The following MAP3K19 variants were observed in gnomAD, a reference collection of about 807,000 sequenced individuals.
MAP3K19 encodes mitogen-activated protein kinase kinase kinase 19.
Under a neutral mutation model 114.4 loss-of-function variants are expected in MAP3K19, and 91 were observed. The ratio of observed to expected loss-of-function variants is 0.80; its 90% CI spans 0.67 to 0.95. The LOEUF is 0.95. MAP3K19 is among the 40% of genes least tolerant of loss of function. The pLI is 0.00. For missense variants in MAP3K19, 1,471 were observed against 1,573.2 expected (o/e 0.94, Z 1.10); for synonymous variants, 518 against 530.5 (o/e 0.98, Z 0.32).
At chr2:135,010,933 T>C (rs1687175649) in intron 5 of MAP3K19, among the ~76,000 whole-genome samples, 1 of 152,094 alleles carries the variant, frequency 6.6e-6, no homozygotes, top group Non-Finnish European at 1.5e-5. Flanking sequence ...ATCCAGCCTA[T>C]GATAAAATTT....
chr2:134,971,999 A>C (rs1306780880), intron 12 of MAP3K19, among the ~76,000 whole-genome samples: 2 of 151,798 alleles, frequency 1.3e-5, no homozygotes, highest in African/African-American at 4.8e-5. Flanking sequence ...TATGGGGTAC[A>C]TGAGATGTTT....
chr2:134,986,956 A>C lies in MAP3K19; in HGVS notation c.1916T>G (p.Leu639Arg), dbSNP rs1472049278. The part of the protein sequence containing the change: ...PLSVQPTEPR[L>R]NYLDLKYSDM... ...ACTATACTTAAGATCTAGGTAATTT[A>C]GTCTTGGCTCTGTCGGTTGAACAGA... Residue 639 changes from leucine (L) to arginine (R), a missense_variant, in exon 10 of 13, where the codon CTA (leucine) becomes CGA (arginine). By Grantham distance (102) the Leu-to-Arg change is moderately radical. Transcript: ENST00000392915. The C allele has an allele frequency of 6.2e-7, 1 of 1,613,792 alleles. No individual in the cohort carries two copies. The highest frequency in any genetic ancestry group is 1.3e-5 in the African/African-American group (1 of 74,882).
At chr2:134,996,389 GTGCCAGGTATGA>G (rs1422961470) in intron 8 of MAP3K19, among the ~76,000 whole-genome samples, 2 of 150,446 alleles carry the variant, frequency 1.3e-5, no homozygotes, top group African/African-American at 4.9e-5. Context: ...TAATGGCTAT[GTGCCAGGTATGA>G]TGCCAAATGC....
Position 134,966,358 on chromosome 2 carries a change from C to T in MAP3K19, c.3921-1442G>A, listed in dbSNP as rs1012913308. ...ATGGCTGTATTAATTTACATTCACACCCAACAGTACGTGAGTTTCCTTATC... is the reference window on the plus strand; with the variant it reads ...ATGGCTGTATTAATTTACATTCACATCCAACAGTACGTGAGTTTCCTTATC... On this transcript the variant is annotated intron_variant, in intron 12 of 12. Coordinates refer to ENST00000392915, the MANE Select transcript of MAP3K19 (RefSeq NM_025052.5). 2.0e-5 allele frequency among the ~76,000 whole-genome samples: 3 copies of T among 150,850 alleles called. No individual in the cohort carries two copies. The East Asian group carries it at 5.9e-4, about 30-fold the overall frequency.
intron 2 of MAP3K19, among the ~76,000 whole-genome samples, chr2:135,033,533 G>A (rs1458228167): frequency 1.2e-5 from 1 of 83,996 alleles, no homozygotes; most frequent in Non-Finnish European, 2.1e-5. Flanking sequence ...CCGGGCAGAG[G>A]CGCCCCTCAC....
chr2:135,017,116 C>G (rs1687627046), intron 5 of MAP3K19, among the ~76,000 whole-genome samples: 2 of 152,018 alleles, frequency 1.3e-5, no homozygotes, highest in African/African-American at 4.8e-5. Context: ...ACCTGATAAC[C>G]CTTGGCTATC....
At chr2:135,016,046 T>G (rs1043250986) in intron 5 of MAP3K19, among the ~76,000 whole-genome samples, 1 of 151,322 alleles carries the variant, frequency 6.6e-6, no homozygotes, top group African/African-American at 2.4e-5. Context: ...AAGCCAGGAG[T>G]TCAAGAACAC....
At chr2:134,968,534 A>G (rs1402484331) in intron 12 of MAP3K19, among the ~76,000 whole-genome samples, 1 of 143,792 alleles carries the variant, frequency 7.0e-6, no homozygotes, top group Non-Finnish European at 1.5e-5. Flanking sequence ...CCGGGCGGAG[A>G]CGCTCCTCAC....
At position 134,999,940 on chromosome 2, in the gene MAP3K19, T is replaced by C; in HGVS notation, c.311A>G (p.Lys104Arg). 6.2e-7 allele frequency: 1 copy of C among 1,600,906 alleles called. No homozygotes were observed. The highest frequency in any genetic ancestry group is 8.6e-7 in the Non-Finnish European group (1 of 1,168,014). ...QEMSQEDLKE[K>R]NLINSSLQEW... is the part of the protein sequence containing the mutation. ...TACTTCAAAGAATATTCCTTACTTC[T>C]TTTCTTTTAAGTCTTCTTGGCTCAT... is the stretch of plus-strand genomic sequence containing the variant. Residue 104 changes from lysine to arginine, a missense_variant, in exon 7 of 13, where the codon AAG becomes AGG. Coordinates refer to ENST00000392915, the MANE Select transcript of MAP3K19 (RefSeq NM_025052.5). The surrounding 1 kb of genome is among the most constrained non-coding windows in gnomAD (Gnocchi z 4.1).
At chr2:135,044,089 A>T (rs1688694734) in intron 1 of MAP3K19, among the ~76,000 whole-genome samples, 1 of 152,240 alleles carries the variant, frequency 6.6e-6, no homozygotes, top group Admixed American at 6.5e-5. Context: ...ATAATACAAC[A>T]ACAGCAATCA....
chr2:134,970,447 T>C (rs1488443635), intron 12 of MAP3K19, among the ~76,000 whole-genome samples: 1 of 152,162 alleles, frequency 6.6e-6, no homozygotes, highest in African/African-American at 2.4e-5. Context: ...CAAATTTTCG[T>C]ATGTTAATTT....
chr2:134,970,603 T>C (rs201056926), intron 12 of MAP3K19, among the ~76,000 whole-genome samples: 30 of 96,732 alleles, frequency 3.1e-4, no homozygotes, highest in East Asian at 5.2e-4. Context: ...GCCTTTTTTT[T>C]TTTTTTTTTT....
chr2:134,979,443 CGTGTGTGTGTGTGT>C (rs59337402), intron 12 of MAP3K19, among the ~76,000 whole-genome samples: 16 of 146,884 alleles, frequency 1.1e-4, no homozygotes, highest in African/African-American at 2.0e-4. Flanking sequence ...TAAAGTGCTT[CGTGTGTGTGTGTGT>C]GTGTGTGTGT....
intron 12 of MAP3K19, among the ~76,000 whole-genome samples, chr2:134,969,385 G>A (rs1374282315): frequency 6.6e-6 from 1 of 152,010 alleles, no homozygotes; most frequent in Non-Finnish European, 1.5e-5. Flanking sequence ...GAGACGAGAG[G>A]GAGAGGGAAA....
chr2:135,002,374 AT>A (rs1686503559), intron 6 of MAP3K19, among the ~76,000 whole-genome samples: 1 of 152,058 alleles, frequency 6.6e-6, no homozygotes, highest in Non-Finnish European at 1.5e-5. Context: ...ATAAAGAAAA[AT>A]TATTTTCTCC....
chr2:134,995,938 T>C (rs1197823558), intron 8 of MAP3K19, among the ~76,000 whole-genome samples: 1 of 144,938 alleles, frequency 6.9e-6, no homozygotes, highest in Non-Finnish European at 1.5e-5. Context: ...AAGAAAGTCT[T>C]GTACTAGCTG....
intron 5 of MAP3K19, among the ~76,000 whole-genome samples, chr2:135,016,445 T>C (rs1687590991): frequency 6.6e-6 from 1 of 152,202 alleles, no homozygotes; most frequent in Non-Finnish European, 1.5e-5. Flanking sequence ...GTAGTGTAAA[T>C]CTTCCTACTT....
chr2:135,024,768 G>A (rs1211894532), intron 3 of MAP3K19, 27 bp from the exon 4 acceptor site: 1 of 796,358 alleles, frequency 1.3e-6, no homozygotes, highest in Non-Finnish European at 2.1e-6. Flanking sequence ...CAACATTAAA[G>A]TTTATTTAGT....
At chr2:135,034,886 A>C (rs1421540086) in intron 2 of MAP3K19, among the ~76,000 whole-genome samples, 1 of 137,550 alleles carries the variant, frequency 7.3e-6, no homozygotes, top group Non-Finnish European at 1.6e-5. Flanking sequence ...AGGGAGAGCC[A>C]AACCCTATTT....
Sources: allele counts gnomAD v4.1 joint callset (sites outside exome capture counted in the v4.1 genomes callset), GRCh38; gene constraint gnomAD v4.1.1; non-coding constraint Gnocchi (gnomAD v3.1); transcripts MANE v1.5; gene names NCBI Gene and HGNC (gene_info 2026-07-23, HGNC 2026-07-21).